Variants in ANKFN1 observed in about 807,000 individuals in gnomAD.
ANKFN1 encodes ankyrin repeat and fibronectin type III domain containing 1.
ANKFN1 carries 74 observed loss-of-function variants against 108.7 expected under a neutral mutation model. The observed-to-expected ratio is 0.68, with a 90% CI of 0.56 to 0.83. The LOEUF (loss-of-function observed/expected upper bound fraction) is 0.83, where lower values mean the gene tolerates loss of function less well. ANKFN1 is among the 40% of genes least tolerant of loss of function. The probability of loss-of-function intolerance (pLI) is 0.00; values close to 1 mark genes in which losing one functional copy is unlikely to be tolerated. For missense variants in ANKFN1, 1,505 were observed against 1,382.3 expected (o/e 1.09, Z -1.41); for synonymous variants, 547 against 516.2 (o/e 1.06, Z -0.81).
chr17:56,056,613 C>T, intron 4 of ANKFN1, among the ~76,000 whole-genome samples: 1 of 152,136 alleles, frequency 6.6e-6, no homozygotes, highest in Non-Finnish European at 1.5e-5. Context: ...GGAAAACTGG[C>T]TAGACATATG....
At chr17:56,130,853 T>C (rs1008231856) in intron 4 of ANKFN1, among the ~76,000 whole-genome samples, 1 of 152,206 alleles carries the variant, frequency 6.6e-6, no homozygotes, top group Non-Finnish European at 1.5e-5. Context: ...ACTGCTTTTC[T>C]GTATAGCAAC....
Position 56,464,813 on chromosome 17 carries a change from G to C in ANKFN1, c.1558-1543G>C, listed in dbSNP as rs1222681339. ...TGAGCTGTAAAGACTCTTACTTTTA[G>C]ATGATGATACTCAGGACCAGAGAGG... On this transcript the variant is annotated intron_variant, in intron 14 of 20. Transcript: ENST00000682825. Among the ~76,000 whole-genome samples the C allele has an allele frequency of 2.0e-5, 3 of 152,310 alleles. No homozygotes were observed. In the East Asian group the frequency reaches 5.8e-4, roughly 29 times the overall value.
At chr17:56,379,966 G>T (rs1451950985) in intron 8 of ANKFN1, among the ~76,000 whole-genome samples, 1 of 152,150 alleles carries the variant, frequency 6.6e-6, no homozygotes, top group East Asian at 1.9e-4. Flanking sequence ...TTTTCAAAAT[G>T]TCTTTGTTAT....
At chr17:56,348,689 G>A (rs774186833) in intron 4 of ANKFN1, among the ~76,000 whole-genome samples, 3 of 151,942 alleles carry the variant, frequency 2.0e-5, no homozygotes, top group Non-Finnish European at 4.4e-5. Context: ...TCCACAATGA[G>A]TTACCATCTC....
At chr17:56,347,396 T>C (rs1474028517) in intron 4 of ANKFN1, among the ~76,000 whole-genome samples, 1 of 152,036 alleles carries the variant, frequency 6.6e-6, no homozygotes, top group Non-Finnish European at 1.5e-5. Flanking sequence ...AAAAAAGAGT[T>C]TTGATAAGTG....
intron 4 of ANKFN1, among the ~76,000 whole-genome samples, chr17:56,049,253 T>C (rs1904732594): frequency 6.6e-6 from 1 of 152,354 alleles, no homozygotes; most frequent in African/African-American, 2.4e-5. Context: ...TCGCTAATGA[T>C]TTGTGCAAAG....
chr17:56,072,426 G>A (rs1020448724), intron 4 of ANKFN1, among the ~76,000 whole-genome samples: 4 of 151,972 alleles, frequency 2.6e-5, no homozygotes, highest in African/African-American at 9.7e-5. Context: ...AAACAAAACA[G>A]TACTGCCGCA....
chr17:56,242,510 G>T (rs766007762), intron 3 of ANKFN1, among the ~76,000 whole-genome samples: 3 of 151,870 alleles, frequency 2.0e-5, no homozygotes, highest in Admixed American at 6.6e-5. Flanking sequence ...GAATACAATT[G>T]ATTTTCATGT....
At chr17:56,082,632 GTTCATTCATTCTCTGTGCA>G (rs1905262447) in intron 4 of ANKFN1, among the ~76,000 whole-genome samples, 1 of 152,194 alleles carries the variant, frequency 6.6e-6, no homozygotes, top group South Asian at 2.1e-4. Context: ...TGCCTCGTTT[GTTCATTCATTCTCTGTGCA>G]TTCATTCATT....
chr17:56,489,494 G>A (rs944335412), intron 18 of ANKFN1, among the ~76,000 whole-genome samples: 68 of 150,270 alleles, frequency 4.5e-4, no homozygotes, highest in Admixed American at 9.9e-4. Context: ...AAACTGAAGC[G>A]TTATAGTTGA....
intron 2 of ANKFN1, among the ~76,000 whole-genome samples, chr17:56,226,212 T>C (rs1332525426): frequency 6.6e-6 from 1 of 152,100 alleles, no homozygotes; most frequent in Non-Finnish European, 1.5e-5. Flanking sequence ...AACTATAGAA[T>C]AATAACTAAC....
At chr17:56,488,808 A>C (rs1302274334) in intron 18 of ANKFN1, among the ~76,000 whole-genome samples, 1 of 152,268 alleles carries the variant, frequency 6.6e-6, no homozygotes, top group African/African-American at 2.4e-5. Context: ...TTAGTGAGTT[A>C]GATATCCTTA....
chr17:56,115,571 G>T (rs1906218879), intron 4 of ANKFN1, among the ~76,000 whole-genome samples: 1 of 152,144 alleles, frequency 6.6e-6, no homozygotes, highest in African/African-American at 2.4e-5. Context: ...CCATGTGGAA[G>T]ACTGTTGAGT....
At position 56,089,524 on chromosome 17, in the gene ANKFN1, T is replaced by C. The variant is rs1430907215; in HGVS notation, c.288+43199T>C. Among the ~76,000 whole-genome samples, 5 of 151,518 alleles carry C rather than the reference T, an allele frequency of 3.3e-5. No individual in the cohort carries two copies. In the East Asian group the frequency reaches 9.6e-4, roughly 29 times the overall value. On this transcript the variant is annotated intron_variant, in intron 4 of 12. Coordinates refer to the ANKFN1 transcript ENST00000635860. ...CATTAACAATGAATTAAAGAGATTA[T>C]TTTTCTTCTACCTGCTGTCCAATAC...
At chr17:56,254,878 G>A (rs2043320388) in intron 3 of ANKFN1, among the ~76,000 whole-genome samples, 1 of 152,148 alleles carries the variant, frequency 6.6e-6, no homozygotes, top group African/African-American at 2.4e-5. Context: ...TGTAGCCATG[G>A]CTGCAAATAT....
At chr17:56,082,687 G>A (rs1201455017) in intron 4 of ANKFN1, among the ~76,000 whole-genome samples, 1 of 152,296 alleles carries the variant, frequency 6.6e-6, no homozygotes, top group African/African-American at 2.4e-5. Context: ...AGTATGTTGA[G>A]TGCCTAGTCC....
intron 1 of ANKFN1, among the ~76,000 whole-genome samples, chr17:56,189,179 T>TTTTTTTTTTTTTTTTTTTTTTTGTTTTG (rs1244013476): frequency 9.0e-6 from 1 of 111,400 alleles, no homozygotes; most frequent in African/African-American, 4.9e-5. Context: ...ACTTTTTTTT[T>TTTTTTTTTTTTTTTTTTTTTTTGTTTTG]TTTTTTTTTG....
At position 56,466,480 on chromosome 17, in the gene ANKFN1, G is replaced by T; in HGVS notation, c.1682G>T (p.Trp561Leu). The T allele has an allele frequency of 6.2e-7, 1 of 1,614,096 alleles. No individual in the cohort carries two copies. The highest frequency in any genetic ancestry group is 8.5e-7 in the Non-Finnish European group (1 of 1,180,018). ...CTTTATTCATTTTTTAATGGCAAAT[G>T]GATGCAGATCTCAAAGCTGCAAAGC... is the stretch of plus-strand genomic sequence containing the variant. ...EMLYSFFNGK[W>L]MQISKLQSQR... The change falls in exon 15 of 21, where the codon TGG becomes TTG. Residue 561 changes from tryptophan to leucine, a missense_variant. Physicochemically the swap from Trp to Leu is moderately conservative, Grantham distance 61 (BLOSUM62 -2). Coordinates refer to ENST00000682825, the MANE Select transcript of ANKFN1 (RefSeq NM_001370326.1).
chr17:56,296,419 C>T (rs2044511278), intron 3 of ANKFN1, among the ~76,000 whole-genome samples: 1 of 152,082 alleles, frequency 6.6e-6, no homozygotes, highest in African/African-American at 2.4e-5. Flanking sequence ...CGAGGTGGCT[C>T]ACACCTATAA....
Sources: gnomAD v4.1 joint callset for allele counts (sites outside exome capture counted in the v4.1 genomes callset) on GRCh38, gnomAD v4.1.1 for gene constraint, MANE v1.5 for transcripts, NCBI Gene and HGNC (gene_info 2026-07-23, HGNC 2026-07-21) for gene names.